Variants in WDR41 observed in about 807,000 individuals in gnomAD.
WDR41 encodes WD repeat domain 41, also known as WD repeat-containing protein 41.
In WDR41, 63 loss-of-function variants were observed where a neutral mutation model predicts 69.3. The observed-to-expected ratio is 0.91, with a 90% confidence interval of 0.74 to 1.12. WDR41 has a LOEUF of 1.12. Among genes scored for constraint, WDR41 ranks in the 50% most tolerant of loss-of-function variants. The pLI, the probability that WDR41 is intolerant of heterozygous loss-of-function variation, is 0.00. For missense variants in WDR41, 543 were observed against 534.5 expected, an observed-to-expected ratio of 1.02 and a Z score of -0.16; for synonymous variants, 185 against 192.1, an observed-to-expected ratio of 0.96 and a Z score of 0.31.
At chr5:77,498,152 A>G (rs941557083) in intron 1 of WDR41, among the ~76,000 whole-genome samples, 2 of 152,212 alleles carry the variant, frequency 1.3e-5, no homozygotes, top group Non-Finnish European at 2.9e-5. Context: ...AATGAAAAAC[A>G]TTTGTATATA....
chr5:77,558,815 T>C (rs1423920117), intron 1 of WDR41, among the ~76,000 whole-genome samples: 2 of 152,226 alleles, frequency 1.3e-5, no homozygotes, highest in Non-Finnish European at 2.9e-5. Context: ...ATGCAAGACA[T>C]GAATTGTTTA....
intron 1 of WDR41, among the ~76,000 whole-genome samples, chr5:77,565,816 T>C (rs1743615631): frequency 6.6e-6 from 1 of 152,140 alleles, no homozygotes; most frequent in Non-Finnish European, 1.5e-5. Context: ...TTATAAATCT[T>C]CTCTCCATAG....
chr5:77,434,326 G>T (rs1798854556), intron 12 of WDR41, among the ~76,000 whole-genome samples: 1 of 151,754 alleles, frequency 6.6e-6, no homozygotes, highest in Non-Finnish European at 1.5e-5. Context: ...AAAAAAACAA[G>T]AGTTTTCTCT....
chr5:77,600,596 T>A (rs1744305024), intron 1 of WDR41, among the ~76,000 whole-genome samples: 1 of 152,122 alleles, frequency 6.6e-6, no homozygotes, highest in African/African-American at 2.4e-5. Context: ...TTTCACATAG[T>A]TGAGGCCGGG....
chr5:77,438,078 T>C lies in WDR41; in HGVS notation c.1004+162A>G, dbSNP rs536166553. ...GTAAATTCTGTAATATACTGCCACA[T>C]ACCCTTCTGTTAGAGACAGCCCTCA... On this transcript the variant is annotated intron_variant, in intron 10 of 12. Coordinates refer to ENST00000296679, the MANE Select transcript of WDR41 (RefSeq NM_018268.4). Among the ~76,000 whole-genome samples, 5 of 152,118 alleles carry C rather than the reference T, an allele frequency of 3.3e-5. No homozygotes were observed. In the South Asian group the frequency reaches 8.4e-4, roughly 25 times the overall value.
chr5:77,603,158 G>A (rs1031555194), intron 1 of WDR41, among the ~76,000 whole-genome samples: 1 of 151,960 alleles, frequency 6.6e-6, no homozygotes, highest in Admixed American at 6.6e-5. Flanking sequence ...GGATGGTCTC[G>A]ATCTCCTGAC....
At position 77,432,634 on chromosome 5, in the gene WDR41, C is replaced by T. The variant is rs1408052600; in HGVS notation, c.*501G>A. The T allele has an allele frequency of 6.6e-6, 1 of 152,140 alleles. No individual in the cohort carries two copies. Among genetic ancestry groups the T allele is most frequent in the Non-Finnish European group, 1.5e-5 (1 of 68,054 alleles). 9.4% of individuals were successfully genotyped at this position (152,140 alleles called of 1,614,324 possible). On this transcript the variant is annotated 3_prime_UTR_variant, in exon 13 of 13. Transcript: ENST00000296679. ...TAAAATTATCTAAACAAATTGGTAC[C>T]AAAGAAAACTTGCCATACTTAAACA...
intron 2 of WDR41, among the ~76,000 whole-genome samples, chr5:77,481,643 G>A (rs140584546): frequency 0.054 from 8,162 of 151,998 alleles, 694 homozygotes; most frequent in African/African-American, 0.18. Flanking sequence ...AAATTAGCTC[G>A]GTGTGGTGGC....
At chr5:77,435,636 CTGT>C (rs1231320914) in intron 12 of WDR41, among the ~76,000 whole-genome samples, 1 of 152,218 alleles carries the variant, frequency 6.6e-6, no homozygotes. Flanking sequence ...CCTGATTACA[CTGT>C]TATTAGTTCT....
At chr5:77,600,196 A>C (rs1324464716) in intron 1 of WDR41, among the ~76,000 whole-genome samples, 1 of 152,208 alleles carries the variant, frequency 6.6e-6, no homozygotes, top group Non-Finnish European at 1.5e-5. Flanking sequence ...TCTTACCAAT[A>C]TAATCAAATC....
At chr5:77,537,960 A>G (rs1903261) in intron 1 of WDR41, among the ~76,000 whole-genome samples, 50,650 of 151,998 alleles carry the variant, frequency 0.33, 8,570 homozygotes, top group Middle Eastern at 0.36. Flanking sequence ...TTATATAAAC[A>G]TATGGGGTAC....
chr5:77,492,161 G>A lies in WDR41; in HGVS notation c.51+9C>T, dbSNP rs769437795. ...CGACGGACGCAGAGCAGACCCACCC[G>A]GGGTTTACCTCGGCCAGTCCCTGCG... On this transcript the variant is annotated intron_variant, in intron 1 of 12. Transcript: ENST00000296679. 3.7e-6 allele frequency: 6 copies of A among 1,611,432 alleles called. No individual in the cohort carries two copies. The African/African-American group carries it at 6.7e-5, about 18-fold the overall frequency.
At chr5:77,527,521 A>T (rs903171011) in intron 1 of WDR41, among the ~76,000 whole-genome samples, 17 of 151,912 alleles carry the variant, frequency 1.1e-4, no homozygotes, top group African/African-American at 3.9e-4. Flanking sequence ...AGAGGTAGAA[A>T]CAGAGAAACC....
In WDR41 at chr5:77,433,270, T is replaced by G. The variant is rs775765286; in HGVS notation, c.1245A>C (p.Glu415Asp). Reference protein sequence around the residue: ...SSSVEMFLYFEDHGLVTCSAD... With the variant: ...SSSVEMFLYFDDHGLVTCSAD... ...CGGAGCACGTCACTAGTCCATGATC[T>G]TCAAAGTATAGAAACATCTGTAAAG... The change falls in exon 13 of 13, where the codon GAA becomes GAC. Residue 415 changes from glutamate (E) to aspartate (D), a missense_variant. Transcript: ENST00000296679. 6.2e-7 allele frequency: 1 copy of G among 1,611,896 alleles called. No individual in the cohort carries two copies. The highest frequency in any genetic ancestry group is 1.1e-5 in the South Asian group (1 of 90,318).
At chr5:77,616,810 T>G (rs953674878) in intron 1 of WDR41, among the ~76,000 whole-genome samples, 1 of 152,218 alleles carries the variant, frequency 6.6e-6, no homozygotes, top group African/African-American at 2.4e-5. Flanking sequence ...TAGTGGTGTA[T>G]AGCAAGCACA....
intron 1 of WDR41, chr5:77,491,937 G>A: frequency 1.9e-6 from 1 of 524,346 alleles, no homozygotes; most frequent in Non-Finnish European, 3.3e-6. Context: ...GCCGTGGGAC[G>A]GGGCCGGGGG....
At chr5:77,453,655 A>G in intron 6 of WDR41, 162 bp downstream of exon 6, 1 of 599,432 alleles carries the variant, frequency 1.7e-6, no homozygotes, top group Non-Finnish European at 2.9e-6. Context: ...AATATATTTT[A>G]CACAACCCCG....
intron 1 of WDR41, among the ~76,000 whole-genome samples, chr5:77,610,954 G>C (rs911797137): frequency 1.3e-5 from 2 of 152,158 alleles, no homozygotes; most frequent in African/African-American, 4.8e-5. Flanking sequence ...TAAAAGGATG[G>C]AGGAAGATCT....
intron 1 of WDR41, among the ~76,000 whole-genome samples, chr5:77,607,364 A>G (rs550565072): frequency 2.6e-5 from 4 of 152,360 alleles, no homozygotes; most frequent in Non-Finnish European, 4.4e-5. Context: ...AATAGAAATT[A>G]ATGACTATTT....
Sources: allele counts gnomAD v4.1 joint callset (sites outside exome capture counted in the v4.1 genomes callset), GRCh38; gene constraint gnomAD v4.1.1; transcripts MANE v1.5; gene names NCBI Gene and HGNC (gene_info 2026-07-23, HGNC 2026-07-21).